The following AGBL1 variants were observed in gnomAD, a reference collection of about 807,000 sequenced individuals.
AGBL1 encodes cytosolic carboxypeptidase 4.
A neutral mutation model predicts 118.9 loss-of-function variants in AGBL1; 130 were observed. The observed-to-expected ratio is 1.09, with a 90% CI of 0.95 to 1.26. The LOEUF is 1.26. Among genes scored for constraint, AGBL1 ranks in the 50% most tolerant of loss-of-function variants. AGBL1 has a pLI of 0.00. For synonymous variants in AGBL1, 555 were observed against 478.9 expected (o/e 1.16, Z -2.08); for missense variants, 1,584 against 1,298.1 (o/e 1.22, Z -3.38).
intron 5 of AGBL1, among the ~76,000 whole-genome samples, chr15:86,206,893 T>C (rs1215172033): frequency 6.6e-6 from 1 of 152,236 alleles, no homozygotes; most frequent in African/African-American, 2.4e-5. Context: ...TCTATGCCTG[T>C]GTCCTGATTG....
intron 21 of AGBL1, among the ~76,000 whole-genome samples, chr15:86,663,461 C>T (rs1225401158): frequency 6.6e-6 from 1 of 152,096 alleles, no homozygotes; most frequent in East Asian, 1.9e-4. Context: ...TGCTAGTCAC[C>T]ACACGAGGTA....
At chr15:86,402,232 A>G (rs2081459019) in intron 18 of AGBL1, among the ~76,000 whole-genome samples, 3 of 151,624 alleles carry the variant, frequency 2.0e-5, no homozygotes, top group South Asian at 2.1e-4. Context: ...AGCTGTTGCA[A>G]AAGTGACTGA....
rs76314153 is a variant in AGBL1 at position 86,665,029 on chromosome 15, T to A, written c.2995-9244T>A. 4.4e-3 allele frequency among the ~76,000 whole-genome samples: 668 copies of A among 152,292 alleles called. 19 individuals carry two copies. In the East Asian group the frequency reaches 0.075, roughly 17 times the overall value. Reference sequence around the variant, plus strand: ...CGCATTTCTAACCAGTTAACATTTTTGTGCCCATATAGCATTACAAAAATT... The same window carrying A: ...CGCATTTCTAACCAGTTAACATTTTAGTGCCCATATAGCATTACAAAAATT... On this transcript the variant is annotated intron_variant, in intron 21 of 22. Coordinates refer to ENST00000614907, the MANE Select transcript of AGBL1 (RefSeq NM_001386094.1).
At chr15:86,242,797 A>G (rs1425738159) in intron 6 of AGBL1, among the ~76,000 whole-genome samples, 1 of 152,250 alleles carries the variant, frequency 6.6e-6, no homozygotes, top group Non-Finnish European at 1.5e-5. Flanking sequence ...TTGCCAAGTA[A>G]GAGGAGCAGT....
intron 18 of AGBL1, among the ~76,000 whole-genome samples, chr15:86,490,028 G>T: frequency 6.6e-6 from 1 of 152,092 alleles, no homozygotes; most frequent in East Asian, 1.9e-4. Context: ...GAGTACCCAG[G>T]ATTTCACACT....
At chr15:86,246,101 C>A (rs2141988352) in intron 6 of AGBL1, among the ~76,000 whole-genome samples, 1 of 152,262 alleles carries the variant, frequency 6.6e-6, no homozygotes, top group East Asian at 1.9e-4. Flanking sequence ...TCAGGCTTGT[C>A]TCCAAACTCC....
At position 86,257,944 on chromosome 15, in the gene AGBL1, A is replaced by C. The variant is rs769916270; in HGVS notation, c.902-20A>C. On this transcript the variant is annotated intron_variant, in intron 8 of 22. Transcript: ENST00000614907. ...GCAAAGGGGAAACTTCACTTATTTC[A>C]CCTCTTTTTCCCCATCCAGAGGATT... is the stretch of plus-strand genomic sequence containing the variant. 3.1e-6 allele frequency: 5 copies of C among 1,610,948 alleles called. No homozygotes were observed. Among genetic ancestry groups the C allele is most frequent in the Non-Finnish European group, 2.5e-6 (3 of 1,178,586 alleles).
At chr15:86,729,858 A>C (rs1259207226) in intron 22 of AGBL1, among the ~76,000 whole-genome samples, 1 of 152,218 alleles carries the variant, frequency 6.6e-6, no homozygotes, top group African/African-American at 2.4e-5. Context: ...ACTGCTTTCC[A>C]CAATGCCTCA....
Position 86,079,959 on chromosome 15 carries a change from G to A in AGBL1, c.-14G>A, listed in dbSNP as rs148912113. ...CTGGCCGCAGGCAGCGGTTCCCTAG[G>A]ACCCGAGAAAAGGATGGCCGAACAA... On this transcript the variant is annotated 5_prime_UTR_variant, in exon 1 of 23. Coordinates refer to ENST00000614907, the MANE Select transcript of AGBL1 (RefSeq NM_001386094.1). 5.4e-5 allele frequency: 66 copies of A among 1,232,242 alleles called. No individual in the cohort carries two copies. The African/African-American group carries it at 8.8e-4, about 16-fold the overall frequency. The allele number at this position is 1,232,242 out of a possible 1,614,324, so 76.3% of individuals were successfully genotyped here.
chr15:86,387,160 G>T (rs887814176), intron 17 of AGBL1, among the ~76,000 whole-genome samples: 8 of 152,158 alleles, frequency 5.3e-5, no homozygotes, highest in African/African-American at 1.9e-4. Flanking sequence ...TGTAACAGGC[G>T]AAAGGGAGTT....
At chr15:86,341,188 T>G (rs1057461164) in intron 17 of AGBL1, among the ~76,000 whole-genome samples, 1 of 152,174 alleles carries the variant, frequency 6.6e-6, no homozygotes. Flanking sequence ...CTGTCCAGAG[T>G]GGAAGTCTAG....
At chr15:86,574,148 T>C (rs955365320) in intron 21 of AGBL1, among the ~76,000 whole-genome samples, 1 of 152,210 alleles carries the variant, frequency 6.6e-6, no homozygotes, top group Non-Finnish European at 1.5e-5. Context: ...CACTCAGCTA[T>C]GTGGGCTATT....
intron 22 of AGBL1, among the ~76,000 whole-genome samples, chr15:86,710,420 A>G (rs1353406221): frequency 6.6e-6 from 1 of 152,164 alleles, no homozygotes; most frequent in Non-Finnish European, 1.5e-5. Flanking sequence ...ATGACTGTGA[A>G]CCAAGGTAGT....
At chr15:86,973,535 A>G (rs1262846935) in intron 23 of AGBL1, among the ~76,000 whole-genome samples, 1 of 151,970 alleles carries the variant, frequency 6.6e-6, no homozygotes, top group Non-Finnish European at 1.5e-5. Context: ...ATGATCGGAA[A>G]AAAATCACAA....
At chr15:86,115,160 T>G (rs140055455) in intron 1 of AGBL1, among the ~76,000 whole-genome samples, 58 of 152,326 alleles carry the variant, frequency 3.8e-4, no homozygotes, top group Non-Finnish European at 6.9e-4. Flanking sequence ...ATATCCCTCT[T>G]GAAGGATGTT....
At chr15:86,500,522 T>G (rs1276937748) in intron 18 of AGBL1, among the ~76,000 whole-genome samples, 2 of 52 alleles carry the variant, frequency 0.038, no homozygotes, top group Non-Finnish European at 0.067. Context: ...ATATAATTCA[T>G]ATACCATTGC....
At chr15:86,896,092 T>C (rs1235154578) in intron 22 of AGBL1, among the ~76,000 whole-genome samples, 2 of 152,166 alleles carry the variant, frequency 1.3e-5, no homozygotes, top group East Asian at 3.8e-4. Flanking sequence ...TTTTTTCATT[T>C]AGAGAAAAGG....
chr15:86,616,339 CAAAAAAAAAAA>C (rs199936794), intron 21 of AGBL1, among the ~76,000 whole-genome samples: 3 of 49,256 alleles, frequency 6.1e-5, no homozygotes, highest in African/African-American at 2.1e-4. Flanking sequence ...TCCTCCACTT[CAAAAAAAAAAA>C]AAAAAAAAAA....
At chr15:86,963,399 T>G (rs1198729651) in intron 23 of AGBL1, among the ~76,000 whole-genome samples, 1 of 152,022 alleles carries the variant, frequency 6.6e-6, no homozygotes. Flanking sequence ...ACTGGTTAAT[T>G]ATATCATTTC....
Sources: gnomAD v4.1 joint callset for allele counts (sites outside exome capture counted in the v4.1 genomes callset) on GRCh38, gnomAD v4.1.1 for gene constraint, MANE v1.5 for transcripts, NCBI Gene and HGNC (gene_info 2026-07-23, HGNC 2026-07-21) for gene names.